TMEM26: variants seen among roughly 807,000 people sequenced by gnomAD.
TMEM26 encodes transmembrane protein 26.
TMEM26 carries 38 observed loss-of-function variants against 28.8 expected under a neutral mutation model. The ratio of observed to expected loss-of-function variants is 1.32; its 90% CI spans 1.02 to 1.73. TMEM26 has a LOEUF of 1.73. Among genes scored for constraint, TMEM26 ranks in the 40% most tolerant of loss-of-function variants. The pLI is 0.00. For synonymous variants in TMEM26, 227 were observed against 182.9 expected, an observed-to-expected ratio of 1.24 and a Z score of -1.95; for missense variants, 518 against 447.1, an observed-to-expected ratio of 1.16 and a Z score of -1.43.
At chr10:61,435,665 C>T (rs1366031692) in intron 2 of TMEM26, among the ~76,000 whole-genome samples, 2 of 152,198 alleles carry the variant, frequency 1.3e-5, no homozygotes, top group Non-Finnish European at 2.9e-5. Context: ...GCATAACCTG[C>T]ATTTTAAAAG....
At chr10:61,448,514 T>C (rs568441981) in intron 1 of TMEM26, among the ~76,000 whole-genome samples, 17 of 152,290 alleles carry the variant, frequency 1.1e-4, no homozygotes, top group African/African-American at 4.1e-4. Context: ...TTCTGGAAGA[T>C]AGGAAATGCT....
At position 61,409,832 on chromosome 10, in the gene TMEM26, G is replaced by A. The variant is rs1382371149; in HGVS notation, c.*490C>T. On this transcript the variant is annotated 3_prime_UTR_variant, in exon 6 of 6. Coordinates refer to ENST00000399298, the MANE Select transcript of TMEM26 (RefSeq NM_178505.8). Reference sequence around the variant, plus strand: ...TGGGCAGAGATTTTCGCTTCTTCCAGCCCACAGTGAGGTAATTTTAAAGGC... The same window carrying A: ...TGGGCAGAGATTTTCGCTTCTTCCAACCCACAGTGAGGTAATTTTAAAGGC... The A allele has an allele frequency of 1.3e-5, 2 of 159,814 alleles. No individual in the cohort carries two copies. Among genetic ancestry groups the A allele is most frequent in the Non-Finnish European group, 2.8e-5 (2 of 72,708 alleles). 9.9% of individuals were successfully genotyped at this position (159,814 alleles called of 1,614,324 possible). A position where few individuals can be genotyped will look rare whatever the true frequency, so the allele number is the denominator to read the frequency against.
In TMEM26 at chr10:61,453,148, A is replaced by G; in HGVS notation, c.-67T>C. Reference sequence around the variant, plus strand: ...CCAGGACCCTGCCGGGCGTGCCCGGAGCCCACCGGTGAGCAGGAATATGAC... The same window carrying G: ...CCAGGACCCTGCCGGGCGTGCCCGGGGCCCACCGGTGAGCAGGAATATGAC... On this transcript the variant is annotated 5_prime_UTR_variant, in exon 1 of 6. Transcript: ENST00000399298. 1 of 1,528,186 alleles carries G rather than the reference A, an allele frequency of 6.5e-7. No homozygotes were observed. The highest frequency in any genetic ancestry group is 1.7e-5 in the Admixed American group (1 of 57,498). 94.7% of individuals were successfully genotyped at this position (1,528,186 alleles called of 1,614,324 possible).
At chr10:61,430,809 G>A (rs1316875264) in intron 3 of TMEM26, among the ~76,000 whole-genome samples, 1 of 151,940 alleles carries the variant, frequency 6.6e-6, no homozygotes, top group African/African-American at 2.4e-5. Flanking sequence ...CTGTACATGA[G>A]TACAGAGTAT....
chr10:61,447,828 A>G (rs567028571), intron 1 of TMEM26, among the ~76,000 whole-genome samples: 2 of 152,270 alleles, frequency 1.3e-5, no homozygotes, highest in South Asian at 2.1e-4. Flanking sequence ...CTGACCATCC[A>G]GTGGCACCTT....
rs76093194 is a variant in TMEM26, at chr10:61,419,494, A to C, written c.606-5959T>G. On this transcript the variant is annotated intron_variant, in intron 4 of 5. Transcript: ENST00000399298. ...ATACAGAAACTATGAAAATGGTTAA[A>C]TAGAAACTCTAGAATTGAAAATATG... is the stretch of plus-strand genomic sequence containing the variant. Among the ~76,000 whole-genome samples the C allele has an allele frequency of 6.5e-3, 994 of 152,206 alleles. 30 individuals carry two copies. The highest frequency in any genetic ancestry group is 0.062 in the East Asian group (324 of 5,190).
intron 4 of TMEM26, among the ~76,000 whole-genome samples, chr10:61,418,988 C>T (rs1182355565): frequency 1.3e-5 from 2 of 152,118 alleles, no homozygotes; most frequent in African/African-American, 4.8e-5. Context: ...GTATTTGATT[C>T]CAATCTGCCC....
chr10:61,440,378 G>A (rs1840072148), intron 1 of TMEM26, among the ~76,000 whole-genome samples: 1 of 152,068 alleles, frequency 6.6e-6, no homozygotes, highest in South Asian at 2.1e-4. Context: ...CTGTCACACT[G>A]CCATGGTTTG....
Position 61,453,256 on chromosome 10 carries a change from TC to T in TMEM26, c.-176del. On this transcript the variant is annotated 5_prime_UTR_variant, in exon 1 of 6. Coordinates refer to ENST00000399298, the MANE Select transcript of TMEM26 (RefSeq NM_178505.8). ...GTAGAACTGGTGCGCGGCTCGCCCCTCCCCCAAACTTCCTGAGAACTCTTCA... is the reference window on the plus strand; with the variant it reads ...GTAGAACTGGTGCGCGGCTCGCCCCTCCCCAAACTTCCTGAGAACTCTTCA... 2 of 641,286 alleles carry T rather than the reference TC, an allele frequency of 3.1e-6. No homozygotes were observed. Among genetic ancestry groups the T allele is most frequent in the Non-Finnish European group, 2.7e-6 (1 of 376,738 alleles). 39.7% of individuals were successfully genotyped at this position (641,286 alleles called of 1,614,324 possible). A position where few individuals can be genotyped will look rare whatever the true frequency, so the allele number is the denominator to read the frequency against.
At chr10:61,437,468 A>T (rs1414427371) in intron 1 of TMEM26, among the ~76,000 whole-genome samples, 1 of 152,208 alleles carries the variant, frequency 6.6e-6, no homozygotes, top group African/African-American at 2.4e-5. Flanking sequence ...AATAAGAAAA[A>T]TAACATACTT....
chr10:61,421,431 T>C lies in TMEM26; in HGVS notation c.605+7495A>G, dbSNP rs115573422. On this transcript the variant is annotated intron_variant, in intron 4 of 5. Coordinates refer to ENST00000399298, the MANE Select transcript of TMEM26 (RefSeq NM_178505.8). ...CAGCTTGAATAGTGTCCCTTAAAAT[T>C]CCATGTCTACCCAATTCTCAGATTG... Among the ~76,000 whole-genome samples the C allele has an allele frequency of 7.8e-3, 1,180 of 152,210 alleles. 10 individuals are homozygous for C. Among genetic ancestry groups the C allele is most frequent in the African/African-American group, 0.023 (938 of 41,528 alleles).
At chr10:61,440,432 C>A (rs957364131) in intron 1 of TMEM26, among the ~76,000 whole-genome samples, 2 of 150,726 alleles carry the variant, frequency 1.3e-5, no homozygotes, top group Admixed American at 6.6e-5. Context: ...GCTGCCCACT[C>A]AGGGCCCTGC....
intron 1 of TMEM26, among the ~76,000 whole-genome samples, chr10:61,446,179 T>C (rs1035579762): frequency 2.0e-5 from 3 of 152,180 alleles, no homozygotes; most frequent in Non-Finnish European, 2.9e-5. Context: ...AAGAAGGAAA[T>C]ATGACTTCTT....
rs145268642 is a variant in TMEM26, at chr10:61,431,416, A to G, written c.271-84T>C. The G allele has an allele frequency of 5.5e-4, 537 of 967,708 alleles. 2 individuals are homozygous for G. In the East Asian group the frequency reaches 0.011, roughly 19 times the overall value. The allele number at this position is 967,708 out of a possible 1,614,324, so 59.9% of individuals were successfully genotyped here. A position where few individuals can be genotyped will look rare whatever the true frequency, so the allele number is the denominator to read the frequency against. ...TCAAAATGACTTAAATCTGTTCAAG[A>G]GATTATGAGCAGATATGCAGAGTTT... On this transcript the variant is annotated intron_variant, in intron 2 of 5. Transcript: ENST00000399298.
At chr10:61,441,859 T>A (rs189970238) in intron 1 of TMEM26, among the ~76,000 whole-genome samples, 10 of 152,316 alleles carry the variant, frequency 6.6e-5, no homozygotes, top group Admixed American at 1.3e-4. Flanking sequence ...TTTGCTCAAC[T>A]ATATTTTCAT....
chr10:61,413,892 T>C (rs1372681563), intron 4 of TMEM26: 5 of 992,690 alleles, frequency 5.0e-6, no homozygotes, highest in African/African-American at 1.7e-5. Context: ...TCAAGGAATG[T>C]CAGTGGGAGG....
chr10:61,411,552 A>T (rs1006331393), intron 5 of TMEM26, among the ~76,000 whole-genome samples: 11 of 152,362 alleles, frequency 7.2e-5, no homozygotes, highest in Admixed American at 5.2e-4. Context: ...ATTCATATTA[A>T]ATACATTTTT....
chr10:61,430,248 A>G (rs1839899615), intron 3 of TMEM26, among the ~76,000 whole-genome samples: 1 of 152,120 alleles, frequency 6.6e-6, no homozygotes, highest in Middle Eastern at 3.4e-3. Flanking sequence ...CCCAAGGTTC[A>G]TTCCATTAAA....
chr10:61,417,433 A>T (rs35858610), intron 4 of TMEM26, among the ~76,000 whole-genome samples: 1 of 151,730 alleles, frequency 6.6e-6, no homozygotes. Flanking sequence ...ATTCCTGTAG[A>T]AAAGACAGAA....
Sources: gnomAD v4.1 joint callset for allele counts (sites outside exome capture counted in the v4.1 genomes callset) on GRCh38, gnomAD v4.1.1 for gene constraint, MANE v1.5 for transcripts, NCBI Gene and HGNC (gene_info 2026-07-23, HGNC 2026-07-21) for gene names.